Variants in CYYR1 observed in about 807,000 individuals in gnomAD.
CYYR1 encodes cysteine and tyrosine rich 1.
In CYYR1, 14 loss-of-function variants were observed where a neutral mutation model predicts 15.2. The observed-to-expected ratio is 0.92, with a 90% confidence interval of 0.61 to 1.44. The LOEUF (loss-of-function observed/expected upper bound fraction) is 1.44, where lower values mean the gene tolerates loss of function less well. Ranked by LOEUF, CYYR1 falls within the 40% of genes most tolerant of loss-of-function variation. The pLI is 0.00. For missense variants in CYYR1, 228 were observed against 209.5 expected (o/e 1.09, Z -0.54); for synonymous variants, 80 against 77.4 (o/e 1.03, Z -0.18).
At chr21:26,542,280 TGTGTGTGTGC>T (rs1305816347) in intron 2 of CYYR1, among the ~76,000 whole-genome samples, 124 of 82,868 alleles carry the variant, frequency 1.5e-3, no homozygotes, top group African/African-American at 4.4e-3. Context: ...AGAGAATATG[TGTGTGTGTGC>T]GTGTGTGTGT....
intron 2 of CYYR1, among the ~76,000 whole-genome samples, chr21:26,546,800 G>C (rs984528049): frequency 6.6e-6 from 1 of 152,216 alleles, no homozygotes; most frequent in East Asian, 1.9e-4. Flanking sequence ...CGTCGGGATA[G>C]ATTCTACTCT....
At position 26,572,929 on chromosome 21, in the gene CYYR1, C is replaced by T. The variant is rs1981100584; in HGVS notation, c.12G>A (p.Pro4=). Residue 4 remains proline (P), a synonymous_variant, in exon 1 of 4, where the codon CCG becomes CCA. Transcript: ENST00000652641. MDA[P]RLPVRPGVLL... Reference sequence around the variant, plus strand: ...AGACCCCTGGACGCACGGGTAGCCTCGGAGCGTCCATCCAAGCCGGTGGCC... The same window carrying T: ...AGACCCCTGGACGCACGGGTAGCCTTGGAGCGTCCATCCAAGCCGGTGGCC... The T allele has an allele frequency of 6.2e-7, 1 of 1,613,890 alleles. No individual in the cohort carries two copies. The highest frequency in any genetic ancestry group is 8.5e-7 in the Non-Finnish European group (1 of 1,179,990).
intron 2 of CYYR1, chr21:26,482,248 T>G: frequency 1.1e-6 from 1 of 934,210 alleles, no homozygotes; most frequent in Non-Finnish European, 1.3e-6. Context: ...CAAATTATTA[T>G]CGCATTTATT....
intron 2 of CYYR1, among the ~76,000 whole-genome samples, chr21:26,504,860 G>A (rs1338656620): frequency 6.6e-6 from 1 of 152,036 alleles, no homozygotes; most frequent in African/African-American, 2.4e-5. Context: ...ATGTCCGTGA[G>A]TTGAATTGAT....
intron 2 of CYYR1, among the ~76,000 whole-genome samples, chr21:26,562,759 CAGAGACAT>C (rs1329076094): frequency 4.2e-5 from 5 of 119,916 alleles, no homozygotes; most frequent in African/African-American, 1.8e-4. Context: ...CACACACACA[CAGAGACAT>C]ACACAAACAC....
rs2064971980 is a variant in CYYR1, at chr21:26,466,726, A to G, written c.*1775T>C. On this transcript the variant is annotated 3_prime_UTR_variant, in exon 4 of 4. Transcript: ENST00000652641. The stretch of plus-strand genomic sequence containing the variant: ...AGCCACAGTGTAATTGGGTCTGACC[A>G]CACGCAGAAGAAAAATAAATTAAAG... 1 of 152,184 alleles carries G rather than the reference A, an allele frequency of 6.6e-6. No individual in the cohort carries two copies. Among genetic ancestry groups the G allele is most frequent in the South Asian group, 2.1e-4 (1 of 4,824 alleles). The allele number at this position is 152,184 out of a possible 1,614,324, so 9.4% of individuals were successfully genotyped here.
rs2123646135 is a variant in CYYR1, at chr21:26,540,991, T to C, written c.176+25275A>G. On this transcript the variant is annotated intron_variant, in intron 2 of 3. Transcript: ENST00000652641. ...AATTCTAGAAATGAGGAATAAAATA[T>C]CTGAAACAAAAGGAAATTAATTGTA... Among the ~76,000 whole-genome samples, 2 of 152,116 alleles carry C rather than the reference T, an allele frequency of 1.3e-5. 1 individual carries two copies. Among genetic ancestry groups the C allele is most frequent in the South Asian group, 4.2e-4 (2 of 4,808 alleles).
chr21:26,488,450 C>T (rs544397051), intron 2 of CYYR1, among the ~76,000 whole-genome samples: 24 of 152,126 alleles, frequency 1.6e-4, no homozygotes, highest in Admixed American at 4.6e-4. Flanking sequence ...GACAGGATTT[C>T]GCTATGTTGC....
At chr21:26,505,389 A>G (rs1425976605) in intron 2 of CYYR1, among the ~76,000 whole-genome samples, 1 of 152,222 alleles carries the variant, frequency 6.6e-6, no homozygotes, top group African/African-American at 2.4e-5. Flanking sequence ...AAGATGGTGC[A>G]TTCCAGAGAG....
At chr21:26,531,939 T>C (rs1407512860) in intron 2 of CYYR1, among the ~76,000 whole-genome samples, 1 of 152,020 alleles carries the variant, frequency 6.6e-6, no homozygotes, top group African/African-American at 2.4e-5. Flanking sequence ...GCTTGAAACA[T>C]AGTGATTAAA....
Position 26,473,239 on chromosome 21 carries a change from C to A in CYYR1, c.335-4605G>T, listed in dbSNP as rs1356911407. 3.9e-5 allele frequency among the ~76,000 whole-genome samples: 6 copies of A among 152,012 alleles called. No individual in the cohort carries two copies. In the East Asian group the frequency reaches 1.2e-3, roughly 29 times the overall value. ...CTCATTGCAAACCTTCTCATCTACT[C>A]TCCCCCAAACCCCACTACTCACAAT... On this transcript the variant is annotated intron_variant, in intron 3 of 3. Coordinates refer to ENST00000652641, the MANE Select transcript of CYYR1 (RefSeq NM_001320768.2).
intron 2 of CYYR1, among the ~76,000 whole-genome samples, chr21:26,496,509 A>T: frequency 6.6e-6 from 1 of 152,238 alleles, no homozygotes; most frequent in African/African-American, 2.4e-5. Context: ...ATATAGGAAG[A>T]AATCATGGAT....
At chr21:26,540,643 CA>C (rs1299707177) in intron 2 of CYYR1, among the ~76,000 whole-genome samples, 2 of 151,808 alleles carry the variant, frequency 1.3e-5, no homozygotes, top group Non-Finnish European at 2.9e-5. Context: ...GCAGGAGTGA[CA>C]AAAAATGGAT....
intron 2 of CYYR1, among the ~76,000 whole-genome samples, chr21:26,532,798 AC>A (rs1446507718): frequency 6.6e-6 from 1 of 152,204 alleles, no homozygotes; most frequent in Admixed American, 6.6e-5. Flanking sequence ...GTGATGCCAA[AC>A]AACCACAGAT....
intron 2 of CYYR1, among the ~76,000 whole-genome samples, chr21:26,504,421 C>G (rs1396357692): frequency 1.3e-5 from 2 of 152,024 alleles, no homozygotes; most frequent in Non-Finnish European, 2.9e-5. Context: ...CAGGCGCGTA[C>G]CACCACGCCT....
chr21:26,573,254 T>A lies in CYYR1; in HGVS notation c.-314A>T. The A allele has an allele frequency of 7.4e-7, 1 of 1,354,120 alleles. No homozygotes were observed. 83.9% of individuals were successfully genotyped at this position (1,354,120 alleles called of 1,614,324 possible). A position where few individuals can be genotyped will look rare whatever the true frequency, so the allele number is the denominator to read the frequency against. ...CTCCGGCGTCCTTGGCCACCCAGGCTCACATTTCATCTCCGCGGGTGGCAA... is the reference window on the plus strand; with the variant it reads ...CTCCGGCGTCCTTGGCCACCCAGGCACACATTTCATCTCCGCGGGTGGCAA... On this transcript the variant is annotated 5_prime_UTR_variant, in exon 1 of 4. An upstream open reading frame in the 5' UTR loses its in-frame stop. Coordinates refer to ENST00000652641, the MANE Select transcript of CYYR1 (RefSeq NM_001320768.2).
intron 2 of CYYR1, among the ~76,000 whole-genome samples, chr21:26,487,935 G>T (rs1374023244): frequency 1.4e-5 from 2 of 144,746 alleles, no homozygotes; most frequent in South Asian, 2.2e-4. Context: ...AAAAAAATCT[G>T]TAAAATCCAA....
chr21:26,481,168 T>C (rs2065175679), intron 2 of CYYR1, among the ~76,000 whole-genome samples: 1 of 152,174 alleles, frequency 6.6e-6, no homozygotes, highest in South Asian at 2.1e-4. Context: ...AACTACATTT[T>C]TCTGTTATTT....
intron 2 of CYYR1, among the ~76,000 whole-genome samples, chr21:26,494,050 A>G (rs1345929975): frequency 6.6e-6 from 1 of 152,226 alleles, no homozygotes; most frequent in African/African-American, 2.4e-5. Context: ...CTGCAGTCTG[A>G]TCTTTCCATC....
Sources: gnomAD v4.1 joint callset for allele counts (sites outside exome capture counted in the v4.1 genomes callset) on GRCh38, gnomAD v4.1.1 for gene constraint, MANE v1.5 for transcripts, NCBI Gene and HGNC (gene_info 2026-07-23, HGNC 2026-07-21) for gene names.